The following COBLL1 variants were observed in gnomAD, a reference collection of about 807,000 sequenced individuals.
COBLL1 encodes the protein cordon-bleu WH2 repeat protein like 1.
Under a neutral mutation model 94.8 loss-of-function variants are expected in COBLL1, and 50 were observed. The ratio of observed to expected loss-of-function variants is 0.53; its 90% CI spans 0.42 to 0.67. The LOEUF (loss-of-function observed/expected upper bound fraction) is 0.67, where lower values mean the gene tolerates loss of function less well. COBLL1 is among the 30% of genes least tolerant of loss of function. The pLI, the probability that COBLL1 is intolerant of heterozygous loss-of-function variation, is 0.00. For missense variants in COBLL1, 1,362 were observed against 1,348.7 expected (o/e 1.01, Z -0.15); for synonymous variants, 448 against 473.8 (o/e 0.95, Z 0.71).
chr2:164,763,754 T>C (rs888123541), intron 2 of COBLL1, among the ~76,000 whole-genome samples: 5 of 152,336 alleles, frequency 3.3e-5, no homozygotes, highest in African/African-American at 1.2e-4. Context: ...GATGGGGTTC[T>C]ATATGGAATA....
At position 164,841,545 on chromosome 2, in the gene COBLL1, G is replaced by T; in HGVS notation, c.-51+165C>A. On this transcript the variant is annotated intron_variant, in intron 1 of 13. Transcript: ENST00000652658. This position sits in a 1 kb window ranked among gnomAD's most constrained non-coding sequence, Gnocchi z 5.5. ...GGAGGGAGAGGAGCCGCCGGGGCTGGAAAAGGAGGAGGAGCGGGGCCGGGC... is the reference window on the plus strand; with the variant it reads ...GGAGGGAGAGGAGCCGCCGGGGCTGTAAAAGGAGGAGGAGCGGGGCCGGGC... The T allele has an allele frequency of 1.2e-6, 1 of 818,210 alleles. No homozygotes were observed. The highest frequency in any genetic ancestry group is 1.6e-6 in the Non-Finnish European group (1 of 644,670). 50.7% of individuals were successfully genotyped at this position (818,210 alleles called of 1,614,324 possible). A position where few individuals can be genotyped will look rare whatever the true frequency, so the allele number is the denominator to read the frequency against.
intron 11 of COBLL1, among the ~76,000 whole-genome samples, chr2:164,699,184 C>T (rs1320618222): frequency 1.3e-5 from 2 of 151,838 alleles, no homozygotes. Flanking sequence ...CACCACTTAC[C>T]GTAGTAGTTG....
chr2:164,748,594 G>A (rs773845816), intron 2 of COBLL1, among the ~76,000 whole-genome samples: 11 of 152,054 alleles, frequency 7.2e-5, no homozygotes, highest in Non-Finnish European at 1.5e-4. Context: ...CCTTTTAAAC[G>A]GGAATGTTTC....
intron 2 of COBLL1, among the ~76,000 whole-genome samples, chr2:164,751,320 C>A (rs937428739): frequency 3.0e-4 from 45 of 152,070 alleles, no homozygotes; most frequent in African/African-American, 1.1e-3. Context: ...TGGGACGTGG[C>A]CTGTCTCATT....
chr2:164,785,935 T>A (rs371080074), intron 2 of COBLL1, among the ~76,000 whole-genome samples: 5 of 120,574 alleles, frequency 4.1e-5, no homozygotes, highest in Non-Finnish European at 7.0e-5. Context: ...TTTTTTTTTT[T>A]AAGTACCAAG....
chr2:164,705,281 T>C (rs1684530031), intron 7 of COBLL1, 176 bp from the exon 8 acceptor site: 5 of 418,704 alleles, frequency 1.2e-5, no homozygotes, highest in East Asian at 3.6e-5. Context: ...GGGATAGATA[T>C]GTAAAGAAAA....
At chr2:164,673,383 G>A (rs1272374999) in intron 1 of COBLL1, among the ~76,000 whole-genome samples, 2 of 152,050 alleles carry the variant, frequency 1.3e-5, no homozygotes, top group African/African-American at 2.4e-5. Context: ...AAGGCTGGGC[G>A]CGGTGGCTAG....
chr2:164,791,347 TAAACA>T (rs59297995), intron 2 of COBLL1, among the ~76,000 whole-genome samples: 29 of 151,800 alleles, frequency 1.9e-4, no homozygotes, highest in Middle Eastern at 3.4e-3. Context: ...ATGACATGGT[TAAACA>T]AAACAAAACA....
chr2:164,719,766 C>G (rs74869717), intron 7 of COBLL1, among the ~76,000 whole-genome samples: 2,109 of 152,168 alleles, frequency 0.014, 42 homozygotes, highest in African/African-American at 0.048. Context: ...GGTTAGAGCT[C>G]AGACATACCT....
intron 11 of COBLL1, chr2:164,697,328 C>A (rs1684008227): frequency 6.6e-6 from 1 of 151,928 alleles, no homozygotes; most frequent in Admixed American, 6.6e-5. Flanking sequence ...TCTCAATGAC[C>A]AATTATTATT....
Position 164,695,654 on chromosome 2 carries a change from G to A in COBLL1, c.1738C>T (p.His580Tyr), listed in dbSNP as rs770489606. Residue 580 changes from histidine to tyrosine, a missense_variant, in exon 12 of 14, where the codon CAT (histidine) becomes TAT (tyrosine). Coordinates refer to ENST00000652658, the MANE Select transcript of COBLL1 (RefSeq NM_001365672.2). The part of the protein sequence containing the change: ...TDTAISYKEN[H>Y]LAASSVPDQK... ...TCTGGTACTGATGAAGCTGCTAGATGGTTTTCCTTGTAACTTATAGCAGTA... is the reference window on the plus strand; with the variant it reads ...TCTGGTACTGATGAAGCTGCTAGATAGTTTTCCTTGTAACTTATAGCAGTA... 25 of 1,613,698 alleles carry A rather than the reference G, an allele frequency of 1.5e-5. No individual in the cohort carries two copies. Among genetic ancestry groups the A allele is most frequent in the Non-Finnish European group, 1.9e-5 (22 of 1,179,906 alleles).
intron 2 of COBLL1, among the ~76,000 whole-genome samples, chr2:164,807,484 T>C (rs1173692845): frequency 6.6e-6 from 1 of 152,044 alleles, no homozygotes; most frequent in Non-Finnish European, 1.5e-5. Context: ...TCTACATTTG[T>C]CAAATCATTA....
At chr2:164,674,528 A>G (rs1691304323) in intron 1 of COBLL1, among the ~76,000 whole-genome samples, 1 of 152,158 alleles carries the variant, frequency 6.6e-6, no homozygotes, top group Non-Finnish European at 1.5e-5. Flanking sequence ...CAGCTTCCTC[A>G]TTTATAAGAC....
In COBLL1 at chr2:164,798,000, T is replaced by C. The variant is rs569736872; in HGVS notation, c.41+43156A>G. Among the ~76,000 whole-genome samples, 5 of 152,340 alleles carry C rather than the reference T, an allele frequency of 3.3e-5. No homozygotes were observed. The East Asian group carries it at 9.6e-4, about 29-fold the overall frequency. On this transcript the variant is annotated intron_variant, in intron 2 of 13. Transcript: ENST00000652658. Reference sequence around the variant, plus strand: ...AAGATCAATTATTACAGGAGATTGGTTCAGAAATCCATGGTTATACTGGCT... The same window carrying C: ...AAGATCAATTATTACAGGAGATTGGCTCAGAAATCCATGGTTATACTGGCT...
chr2:164,826,171 G>A (rs1244101761), intron 2 of COBLL1, among the ~76,000 whole-genome samples: 7 of 152,166 alleles, frequency 4.6e-5, no homozygotes, highest in East Asian at 1.9e-4. Flanking sequence ...ATGGTGAAGC[G>A]AGGAAGTTAC....
intron 2 of COBLL1, among the ~76,000 whole-genome samples, chr2:164,831,810 A>T (rs1683090216): frequency 6.6e-6 from 1 of 152,044 alleles, no homozygotes; most frequent in Admixed American, 6.6e-5. Context: ...TATCAGGCAT[A>T]AAAAAAAGAG....
chr2:164,735,477 C>T (rs1686248553), intron 3 of COBLL1, among the ~76,000 whole-genome samples: 1 of 152,182 alleles, frequency 6.6e-6, no homozygotes, highest in Non-Finnish European at 1.5e-5. Context: ...GAAGCCTCAG[C>T]ATTCAGCACT....
chr2:164,698,987 A>T (rs1022275784), intron 11 of COBLL1, among the ~76,000 whole-genome samples: 1 of 152,028 alleles, frequency 6.6e-6, no homozygotes, highest in Admixed American at 6.6e-5. Flanking sequence ...AATCAGGCAG[A>T]AAAGTTTCAT....
rs370133485 is a variant in COBLL1 at position 164,722,175 on chromosome 2, G to T, written c.896C>A (p.Pro299Gln). ...APKKRRAPLP[P>Q]MPASQSVPQD... ...GGGGACACTCTGAGATGCTGGCATC[G>T]GGGGCAGTGGAGCCCGCCTCTTCTT... Residue 299 changes from proline (P) to glutamine (Q), a missense_variant, in exon 7 of 14, where the codon CCG becomes CAG. Pro to Gln is a moderately conservative substitution (Grantham distance 76). Coordinates refer to ENST00000652658, the MANE Select transcript of COBLL1 (RefSeq NM_001365672.2). 4 of 1,614,028 alleles carry T rather than the reference G, an allele frequency of 2.5e-6. No individual in the cohort carries two copies. The East Asian group carries it at 6.7e-5, about 27-fold the overall frequency.
Sources: gnomAD v4.1 joint callset for allele counts (sites outside exome capture counted in the v4.1 genomes callset) on GRCh38, gnomAD v4.1.1 for gene constraint, Gnocchi (gnomAD v3.1) non-coding constraint, MANE v1.5 for transcripts, NCBI Gene and HGNC (gene_info 2026-07-23, HGNC 2026-07-21) for gene names.